The following NGFR variants were observed in gnomAD, a reference collection of about 807,000 sequenced individuals.
NGFR encodes the protein tumor necrosis factor receptor superfamily member 16.
Under a neutral mutation model 43.2 loss-of-function variants are expected in NGFR, and 30 were observed. The ratio of observed to expected loss-of-function variants is 0.69; its 90% CI spans 0.52 to 0.94. The LOEUF (loss-of-function observed/expected upper bound fraction) is 0.94. NGFR is among the 40% of genes least tolerant of loss of function. The pLI is 0.00. For synonymous variants in NGFR, 246 were observed against 259.6 expected (o/e 0.95, Z 0.50); for missense variants, 529 against 602.5 (o/e 0.88, Z 1.28).
chr17:49,502,120 G>C lies in NGFR; in HGVS notation c.124G>C (p.Glu42Gln). ...CPTGLYTHSGECCKACNLGEG... is the reference protein window; with the variant it reads ...CPTGLYTHSGQCCKACNLGEG... ...CACAGGCCTGTACACACACAGCGGT[G>C]AGTGCTGCAAAGCCTGCAACCTGGG... Residue 42 changes from glutamate to glutamine, a missense_variant, in exon 2 of 6, where the codon GAG (glutamate) becomes CAG (glutamine). Transcript: ENST00000172229. 1 of 1,612,806 alleles carries C rather than the reference G, an allele frequency of 6.2e-7. No individual in the cohort carries two copies. Among genetic ancestry groups the C allele is most frequent in the Non-Finnish European group, 8.5e-7 (1 of 1,179,280 alleles).
rs753103561 is a variant in NGFR at position 49,510,424 on chromosome 17, G to T, written c.581G>T (p.Arg194Leu). ...ADAECEEIPG[R>L]WITRSTPPEG... Reference sequence around the variant, plus strand: ...CCTTTTCTCCCAGAGATCCCTGGCCGTTGGATTACACGGTCCACACCCCCA... The same window carrying T: ...CCTTTTCTCCCAGAGATCCCTGGCCTTTGGATTACACGGTCCACACCCCCA... The change falls in exon 4 of 6, where the codon CGT becomes CTT. Residue 194 changes from arginine to leucine, a missense_variant. Coordinates refer to ENST00000172229, the MANE Select transcript of NGFR (RefSeq NM_002507.4). 1 of 1,613,724 alleles carries T rather than the reference G, an allele frequency of 6.2e-7. No homozygotes were observed. Among genetic ancestry groups the T allele is most frequent in the Non-Finnish European group, 8.5e-7 (1 of 1,179,808 alleles).
chr17:49,495,406 G>C lies in NGFR; in HGVS notation c.-12G>C. 1.6e-6 allele frequency: 2 copies of C among 1,234,220 alleles called. No homozygotes were observed. The highest frequency in any genetic ancestry group is 8.2e-5 in the South Asian group (2 of 24,422). The allele number at this position is 1,234,220 out of a possible 1,614,324, so 76.5% of individuals were successfully genotyped here. On this transcript the variant is annotated 5_prime_UTR_variant, in exon 1 of 6. Transcript: ENST00000172229. The surrounding 1 kb of genome is among the most constrained non-coding windows in gnomAD (Gnocchi z 6.4). ...CGAGCTGGAAGTCGAGCGCTGCCGC[G>C]GGAGGCGGGCGATGGGGGCAGGTGC...
intron 3 of NGFR, among the ~76,000 whole-genome samples, chr17:49,508,907 C>T (rs1340710321): frequency 6.6e-6 from 1 of 152,220 alleles, no homozygotes; most frequent in Non-Finnish European, 1.5e-5. Context: ...GACATGTACA[C>T]TCCTTCACCC....
At position 49,514,765 on chromosome 17, in the gene NGFR, G is replaced by A. The variant is rs967646279; in HGVS notation, c.*1756G>A. On this transcript the variant is annotated 3_prime_UTR_variant, in exon 6 of 6. Coordinates refer to ENST00000172229, the MANE Select transcript of NGFR (RefSeq NM_002507.4). ...TATTTATTTTCCTCCCCAGCAGGTG[G>A]GGAGGGGGTTTGGGGGCTTGCAAGT... 6 of 152,114 alleles carry A rather than the reference G, an allele frequency of 3.9e-5. No homozygotes were observed. The highest frequency in any genetic ancestry group is 1.2e-4 in the African/African-American group (5 of 41,410). The allele number at this position is 152,114 out of a possible 1,614,324, so 9.4% of individuals were successfully genotyped here.
chr17:49,506,164 A>C (rs1387087162), intron 2 of NGFR, 135 bp from the exon 3 acceptor site: 26 of 1,444,958 alleles, frequency 1.8e-5, no homozygotes, highest in Non-Finnish European at 2.4e-5. Context: ...CCCTTGGAAG[A>C]GGGTGGGAGC....
chr17:49,506,066 G>C, intron 2 of NGFR: 1 of 740,542 alleles, frequency 1.4e-6, no homozygotes, highest in Admixed American at 3.6e-5. Flanking sequence ...GCCGGCCAGT[G>C]CTTCTGGAGC....
In NGFR at chr17:49,506,627, G is replaced by C; in HGVS notation, c.537G>C (p.Glu179Asp). 1 of 1,577,910 alleles carries C rather than the reference G, an allele frequency of 6.3e-7. No homozygotes were observed. Among genetic ancestry groups the C allele is most frequent in the Non-Finnish European group, 8.6e-7 (1 of 1,161,232 alleles). Reference sequence around the variant, plus strand: ...AGGACACCGAGCGCCAGCTCCGCGAGTGCACACGCTGGGCCGACGCCGAGT... The same window carrying C: ...AGGACACCGAGCGCCAGCTCCGCGACTGCACACGCTGGGCCGACGCCGAGT... The part of the protein sequence containing the change: ...VCEDTERQLR[E>D]CTRWADAECE... Residue 179 changes from glutamate to aspartate, a missense_variant, in exon 3 of 6, where the codon GAG (glutamate) becomes GAC (aspartate). By Grantham distance (45) the Glu-to-Asp change is conservative (BLOSUM62 2). Transcript: ENST00000172229.
chr17:49,501,708 A>G (rs1001814983), intron 1 of NGFR, among the ~76,000 whole-genome samples: 1 of 152,200 alleles, frequency 6.6e-6, no homozygotes, highest in Non-Finnish European at 1.5e-5. Flanking sequence ...AACCTGTCCA[A>G]CCATTCATGA....
At chr17:49,501,999 A>AGGGGGGGCCCC in intron 1 of NGFR, 64 bp from the exon 2 acceptor site, 1 of 330,984 alleles carries the variant, frequency 3.0e-6, no homozygotes. Flanking sequence ...TCCCCGGAAG[A>AGGGGGGGCCCC]ACCCCCCCCA....
intron 1 of NGFR, among the ~76,000 whole-genome samples, chr17:49,500,872 G>A (rs1351956860): frequency 2.0e-5 from 3 of 152,140 alleles, no homozygotes; most frequent in African/African-American, 4.8e-5. Context: ...TGATGAGGCC[G>A]CAGGATATTT....
In NGFR at chr17:49,514,906, A is replaced by G. The variant is rs867869310; in HGVS notation, c.*1897A>G. On this transcript the variant is annotated 3_prime_UTR_variant, in exon 6 of 6. Transcript: ENST00000172229. ...GCTCCAGACCCCCAGCAACCCTCCT[A>G]TCACCTCCCCTCCTTGCCTCCTGTG... The G allele has an allele frequency of 2.0e-5, 3 of 151,818 alleles. No homozygotes were observed. Among genetic ancestry groups the G allele is most frequent in the African/African-American group, 7.3e-5 (3 of 41,320 alleles). 9.4% of individuals were successfully genotyped at this position (151,818 alleles called of 1,614,324 possible). A position where few individuals can be genotyped will look rare whatever the true frequency, so the allele number is the denominator to read the frequency against.
chr17:49,504,757 C>CT (rs60017445), intron 2 of NGFR, among the ~76,000 whole-genome samples: 5,427 of 82,840 alleles, frequency 0.066, 181 homozygotes, highest in Non-Finnish European at 0.088. Flanking sequence ...TACCCTTTTT[C>CT]TTTCTTTCTT....
Position 49,513,281 on chromosome 17 carries a change from A to C in NGFR, c.*272A>C, listed in dbSNP as rs1380364515. 4.3e-6 allele frequency: 2 copies of C among 462,450 alleles called. No homozygotes were observed. The highest frequency in any genetic ancestry group is 2.0e-5 in the African/African-American group (1 of 50,634). 28.6% of individuals were successfully genotyped at this position (462,450 alleles called of 1,614,324 possible). A position where few individuals can be genotyped will look rare whatever the true frequency, so the allele number is the denominator to read the frequency against. ...CCCTGCCCCGTCACCATCTCAGGCC[A>C]CCTGCCCCCTTCTCCCACACTGCTA... is the stretch of plus-strand genomic sequence containing the variant. On this transcript the variant is annotated 3_prime_UTR_variant, in exon 6 of 6. Transcript: ENST00000172229.
chr17:49,510,624 G>T lies in NGFR; in HGVS notation c.781G>T (p.Ala261Ser), dbSNP rs2071225654. 1.9e-6 allele frequency: 3 copies of T among 1,613,954 alleles called. No individual in the cohort carries two copies. Among genetic ancestry groups the T allele is most frequent in the Non-Finnish European group, 2.5e-6 (3 of 1,179,960 alleles). Residue 261 changes from alanine (A) to serine (S), a missense_variant, in exon 4 of 6, where the codon GCT becomes TCT. By Grantham distance (99) the Ala-to-Ser change is moderately conservative. Transcript: ENST00000172229. ...LIPVYCSILA[A>S]VVVGLVAYIA... ...CCCTGTCTATTGCTCCATCCTGGCT[G>T]CTGTGGTTGTGGGCCTTGTGGCCTA...
chr17:49,506,140 CTAGGGG>C, intron 2 of NGFR, 153 bp from the exon 3 acceptor site: 5 of 1,369,636 alleles, frequency 3.7e-6, no homozygotes, highest in Non-Finnish European at 4.8e-6. Context: ...CTTTCACAGG[CTAGGGG>C]TCAGGGTCCC....
chr17:49,502,946 G>C (rs1177092070), intron 2 of NGFR, among the ~76,000 whole-genome samples: 1 of 146,250 alleles, frequency 6.8e-6, no homozygotes, highest in Non-Finnish European at 1.5e-5. Flanking sequence ...ACAGAGTTTT[G>C]CTCTGTTGCC....
rs1211676265 is a variant in NGFR, at chr17:49,506,612, G to A, written c.522G>A (p.Glu174=). 6.2e-7 allele frequency: 1 copy of A among 1,600,488 alleles called. No individual in the cohort carries two copies. The highest frequency in any genetic ancestry group is 1.1e-5 in the South Asian group (1 of 90,232). The stretch of plus-strand genomic sequence containing the variant: ...CCTGCACCGTGTGCGAGGACACCGA[G>A]CGCCAGCTCCGCGAGTGCACACGCT... ...CLPCTVCEDT[E]RQLRECTRWA... The change falls in exon 3 of 6, where the codon GAG becomes GAA. Residue 174 remains glutamate (E), a synonymous_variant. Coordinates refer to ENST00000172229, the MANE Select transcript of NGFR (RefSeq NM_002507.4).
chr17:49,510,626 TGTG>T lies in NGFR; in HGVS notation c.786_788del (p.Val264del). On this transcript the variant is annotated inframe_deletion, in exon 4 of 6. Coordinates refer to ENST00000172229, the MANE Select transcript of NGFR (RefSeq NM_002507.4). ...CTGTCTATTGCTCCATCCTGGCTGC[TGTG>T]GTTGTGGGCCTTGTGGCCTACATAG... 6.2e-7 allele frequency: 1 copy of T among 1,613,792 alleles called. No homozygotes were observed. The highest frequency in any genetic ancestry group is 1.1e-5 in the South Asian group (1 of 91,022).
chr17:49,499,218 A>G (rs72837241), intron 1 of NGFR, among the ~76,000 whole-genome samples: 8,422 of 152,284 alleles, frequency 0.055, 326 homozygotes, highest in Non-Finnish European at 0.083. Flanking sequence ...CTCAGGCTGC[A>G]GCAGGGAGAA....
Sources: allele counts gnomAD v4.1 joint callset (sites outside exome capture counted in the v4.1 genomes callset), GRCh38; gene constraint gnomAD v4.1.1; non-coding constraint Gnocchi (gnomAD v3.1); transcripts MANE v1.5; gene names NCBI Gene and HGNC (gene_info 2026-07-23, HGNC 2026-07-21).